Variants in RORA observed in about 807,000 individuals in gnomAD.
RORA encodes the protein RAR related orphan receptor A.
RORA carries 7 observed loss-of-function variants against 69.5 expected under a neutral mutation model. The observed-to-expected ratio is 0.10, with a 90% CI of 0.06 to 0.19. The LOEUF (loss-of-function observed/expected upper bound fraction) is 0.19. Ranked by LOEUF, RORA falls within the 10% of genes least tolerant of loss-of-function variation. RORA has a pLI of 1.00. For synonymous variants in RORA, 261 were observed against 240.8 expected (o/e 1.08, Z -0.78); for missense variants, 457 against 663.0 (o/e 0.69, Z 3.41).
At chr15:60,601,096 C>A (rs1256929130) in intron 2 of RORA, 1 of 152,148 alleles carries the variant, frequency 6.6e-6, no homozygotes, top group Non-Finnish European at 1.5e-5. Flanking sequence ...AAACATTATG[C>A]TGCAACTCTC....
chr15:61,161,213 A>C (rs2079493155), intron 1 of RORA, among the ~76,000 whole-genome samples: 1 of 152,190 alleles, frequency 6.6e-6, no homozygotes, highest in African/African-American at 2.4e-5. Flanking sequence ...ATGGTCCCCC[A>C]AGCAGTGGGA....
In RORA at chr15:60,515,971, A is replaced by T. The variant is rs1403921909; in HGVS notation, c.283-1214T>A. 7.2e-3 allele frequency among the ~76,000 whole-genome samples: 121 copies of T among 16,884 alleles called. 14 individuals carry two copies. The highest frequency in any genetic ancestry group is 0.015 in the African/African-American group (74 of 4,964). 11.1% of individuals were successfully genotyped at this position (16,884 alleles called of 152,430 possible). A position where few individuals can be genotyped will look rare whatever the true frequency, so the allele number is the denominator to read the frequency against. On this transcript the variant is annotated intron_variant, in intron 3 of 10. Transcript: ENST00000335670. ...TATTTATATATTTATATTTATATAT[A>T]TTTATATATTTATATATATTTATAT...
chr15:60,517,409 C>A (rs1373725061), intron 3 of RORA, among the ~76,000 whole-genome samples: 1 of 151,144 alleles, frequency 6.6e-6, no homozygotes, highest in Non-Finnish European at 1.5e-5. Context: ...TTGATCAAGT[C>A]CCGCCTCTTC....
chr15:60,784,458 A>G (rs1467764761), intron 1 of RORA, among the ~76,000 whole-genome samples: 1 of 152,198 alleles, frequency 6.6e-6, no homozygotes, highest in Non-Finnish European at 1.5e-5. Context: ...TGTGCTGCAC[A>G]ACCATTATAG....
intron 2 of RORA, among the ~76,000 whole-genome samples, chr15:60,663,734 C>T (rs1263080868): frequency 3.3e-5 from 5 of 152,222 alleles, no homozygotes; most frequent in African/African-American, 9.6e-5. Flanking sequence ...GGATTACAGA[C>T]ATGAGCCACC....
chr15:60,744,998 A>T (rs538542368), intron 1 of RORA, among the ~76,000 whole-genome samples: 40 of 152,310 alleles, frequency 2.6e-4, no homozygotes, highest in South Asian at 1.2e-3. Flanking sequence ...ATGCCTGGCC[A>T]CCGCGCCCTG....
intron 1 of RORA, among the ~76,000 whole-genome samples, chr15:60,924,584 A>G (rs2140492848): frequency 6.6e-6 from 1 of 152,192 alleles, no homozygotes; most frequent in East Asian, 1.9e-4. Flanking sequence ...GTCCTTGGAT[A>G]AGTCACTGGC....
chr15:60,556,946 A>C (rs1323288753), intron 2 of RORA: 1 of 1,594,808 alleles, frequency 6.3e-7, no homozygotes, highest in Non-Finnish European at 8.6e-7. Flanking sequence ...GTCCACCCCA[A>C]TCCAATGATA....
intron 1 of RORA, among the ~76,000 whole-genome samples, chr15:61,101,222 G>A (rs755365190): frequency 2.0e-5 from 3 of 152,144 alleles, no homozygotes; most frequent in Non-Finnish European, 4.4e-5. Flanking sequence ...AACAGACATG[G>A]CCCCTCCTCT....
At chr15:61,020,940 C>A (rs1895491145) in intron 1 of RORA, among the ~76,000 whole-genome samples, 1 of 152,230 alleles carries the variant, frequency 6.6e-6, no homozygotes, top group East Asian at 1.9e-4. Context: ...ACTCAACTGA[C>A]AGTGGCCTAA....
At chr15:60,597,549 A>AC (rs1335197252) in intron 2 of RORA, among the ~76,000 whole-genome samples, 5,008 of 36,180 alleles carry the variant, frequency 0.14, 504 homozygotes, top group Non-Finnish European at 0.18. Context: ...ACACACACAC[A>AC]ACATATATAT....
chr15:60,946,228 CT>C (rs1266496518), intron 1 of RORA, among the ~76,000 whole-genome samples: 1 of 144,728 alleles, frequency 6.9e-6, no homozygotes, highest in African/African-American at 2.7e-5. Context: ...ACCAAAATGA[CT>C]CCGACTCCCT....
At chr15:60,878,305 T>C (rs1343107389) in intron 1 of RORA, among the ~76,000 whole-genome samples, 4 of 137,492 alleles carry the variant, frequency 2.9e-5, no homozygotes, top group Non-Finnish European at 4.6e-5. Context: ...GATCGCGGCA[T>C]TGCACTCCAG....
At chr15:61,016,541 TGTTTG>T (rs1895295032) in intron 1 of RORA, among the ~76,000 whole-genome samples, 1 of 152,054 alleles carries the variant, frequency 6.6e-6, no homozygotes, top group Non-Finnish European at 1.5e-5. Flanking sequence ...TTCCCAGCTG[TGTTTG>T]GTTAGGATCA....
At chr15:60,820,169 C>G (rs1232054947) in intron 1 of RORA, among the ~76,000 whole-genome samples, 1 of 152,266 alleles carries the variant, frequency 6.6e-6, no homozygotes, top group Non-Finnish European at 1.5e-5. Context: ...GGACGCTGCA[C>G]TCCACCTCCC....
intron 2 of RORA, among the ~76,000 whole-genome samples, chr15:60,673,479 T>C (rs1443767701): frequency 6.6e-6 from 1 of 152,184 alleles, no homozygotes; most frequent in African/African-American, 2.4e-5. Context: ...AGAAACTAAA[T>C]AGATGTTACT....
At chr15:61,008,126 T>C (rs760643710) in intron 1 of RORA, among the ~76,000 whole-genome samples, 14 of 152,114 alleles carry the variant, frequency 9.2e-5, no homozygotes, top group East Asian at 3.9e-4. Context: ...TATTTAAACT[T>C]ATGATAAAAA....
chr15:61,060,482 C>T (rs752347977), intron 1 of RORA, among the ~76,000 whole-genome samples: 22 of 152,014 alleles, frequency 1.4e-4, no homozygotes, highest in Non-Finnish European at 2.5e-4. Flanking sequence ...GGGTAGGGGT[C>T]GGGGGCAAGG....
chr15:60,891,934 G>T (rs1322614689), intron 1 of RORA, among the ~76,000 whole-genome samples: 1 of 152,116 alleles, frequency 6.6e-6, no homozygotes, highest in African/African-American at 2.4e-5. Context: ...ACTCCTACAA[G>T]CTCTGATGAT....
Sources: gnomAD v4.1 joint callset for allele counts (sites outside exome capture counted in the v4.1 genomes callset) on GRCh38, gnomAD v4.1.1 for gene constraint, MANE v1.5 for transcripts, NCBI Gene and HGNC (gene_info 2026-07-23, HGNC 2026-07-21) for gene names.